ZBBX: variants seen among roughly 807,000 people sequenced by gnomAD.
The protein encoded by ZBBX is zinc finger B-box domain containing.
Under a neutral mutation model 108.5 loss-of-function variants are expected in ZBBX, and 101 were observed. The ratio of observed to expected loss-of-function variants is 0.93; its 90% CI spans 0.79 to 1.10. The LOEUF is 1.10. Ranked by LOEUF, ZBBX falls within the 50% of genes least tolerant of loss-of-function variation. The probability of loss-of-function intolerance (pLI) is 0.00; values close to 1 mark genes in which losing one functional copy is unlikely to be tolerated. For missense variants in ZBBX, 1,009 were observed against 941.4 expected, an observed-to-expected ratio of 1.07 and a Z score of -0.94; for synonymous variants, 356 against 323.4, an observed-to-expected ratio of 1.10 and a Z score of -1.08.
chr3:167,329,173 A>G (rs966311765), intron 10 of ZBBX, among the ~76,000 whole-genome samples: 5 of 152,198 alleles, frequency 3.3e-5, no homozygotes, highest in African/African-American at 1.2e-4. Context: ...CAAGAAAATG[A>G]AGGAAGTATT....
intron 10 of ZBBX, chr3:167,331,577 T>C (rs2108388982): frequency 5.1e-6 from 5 of 985,384 alleles, no homozygotes; most frequent in East Asian, 1.1e-4. Context: ...GGCTTCCACA[T>C]AGCTGTGGCA....
At chr3:167,301,710 C>T (rs1732701460) in intron 17 of ZBBX, among the ~76,000 whole-genome samples, 1 of 152,086 alleles carries the variant, frequency 6.6e-6, no homozygotes, top group African/African-American at 2.4e-5. Context: ...GTGATCCCAG[C>T]ACTTTGGGAG....
At chr3:167,269,043 T>C (rs1726082570) in intron 20 of ZBBX, among the ~76,000 whole-genome samples, 1 of 152,124 alleles carries the variant, frequency 6.6e-6, no homozygotes, top group South Asian at 2.1e-4. Flanking sequence ...GGCAGGCCAC[T>C]TCAAAAGAGA....
the ZBBX span, among the ~76,000 whole-genome samples, chr3:167,221,611 A>G: frequency 6.6e-6 from 1 of 152,082 alleles, no homozygotes; most frequent in South Asian, 2.1e-4. Context: ...GTACTGGCAA[A>G]GATTTCTTGA....
chr3:167,210,950 T>A, the ZBBX span, among the ~76,000 whole-genome samples: 2 of 152,062 alleles, frequency 1.3e-5, no homozygotes, highest in Non-Finnish European at 2.9e-5. Context: ...AAGAGGTTAA[T>A]AAGCAATAAT....
chr3:167,305,484 C>T (rs1168338452), intron 17 of ZBBX, among the ~76,000 whole-genome samples, 159 bp downstream of exon 17: 2 of 152,048 alleles, frequency 1.3e-5, no homozygotes, highest in Non-Finnish European at 2.9e-5. Flanking sequence ...CATTAATGTT[C>T]TCTCCCGTAT....
chr3:167,211,742 A>G, the ZBBX span, among the ~76,000 whole-genome samples: 2,038 of 151,798 alleles, frequency 0.013, 22 homozygotes, highest in South Asian at 0.026. Context: ...GCAGGTGCCT[A>G]ATCTGTTCCT....
the ZBBX span, among the ~76,000 whole-genome samples, chr3:167,233,989 C>T: frequency 0.013 from 2,027 of 151,824 alleles, 22 homozygotes; most frequent in South Asian, 0.026. Flanking sequence ...ATAAAATATA[C>T]CCAGACATTC....
rs531211348 is a variant in ZBBX, at chr3:167,386,430, G to A, written c.-445-6025C>T. On this transcript the variant is annotated intron_variant, in intron 1 of 21. Transcript: ENST00000455345. Reference sequence around the variant, plus strand: ...ACTTTCTTTATAAGGAAACTCCAAAGTATAGATTCCCAGAGAATTCTTTTA... The same window carrying A: ...ACTTTCTTTATAAGGAAACTCCAAAATATAGATTCCCAGAGAATTCTTTTA... 5.9e-5 allele frequency among the ~76,000 whole-genome samples: 9 copies of A among 152,120 alleles called. No homozygotes were observed. In the South Asian group the frequency reaches 1.0e-3, roughly 17 times the overall value.
At chr3:167,285,387 A>T (rs1004514914) in intron 19 of ZBBX, among the ~76,000 whole-genome samples, 3 of 152,124 alleles carry the variant, frequency 2.0e-5, no homozygotes, top group Non-Finnish European at 4.4e-5. Context: ...TTTGATCTTA[A>T]ATAAAGTTTG....
intron 2 of ZBBX, among the ~76,000 whole-genome samples, chr3:167,374,353 C>A: frequency 6.6e-6 from 1 of 151,950 alleles, no homozygotes; most frequent in East Asian, 1.9e-4. Context: ...TTCAGAACAC[C>A]CTGTTTCCCA....
At chr3:167,289,762 T>A (rs1456969993) in intron 18 of ZBBX, among the ~76,000 whole-genome samples, 1 of 151,558 alleles carries the variant, frequency 6.6e-6, no homozygotes, top group African/African-American at 2.4e-5. Flanking sequence ...GCCAGGGGGG[T>A]GAAGCCAGGG....
At chr3:167,335,687 T>C (rs1341440106) in intron 9 of ZBBX, among the ~76,000 whole-genome samples, 1 of 151,540 alleles carries the variant, frequency 6.6e-6, no homozygotes, top group Non-Finnish European at 1.5e-5. Flanking sequence ...AGTTATGACA[T>C]TTGTAAATCT....
chr3:167,349,582 C>T lies in ZBBX; in HGVS notation c.528+838G>A, dbSNP rs538551089. ...ATATTTATTAGCATGTTCAGGTAAACGCAAAGATTGAAATCTACCAGTAAT... is the reference window on the plus strand; with the variant it reads ...ATATTTATTAGCATGTTCAGGTAAATGCAAAGATTGAAATCTACCAGTAAT... On this transcript the variant is annotated intron_variant, in intron 9 of 21. Coordinates refer to ENST00000675490, the MANE Select transcript of ZBBX (RefSeq NM_001199201.2). 3.9e-5 allele frequency among the ~76,000 whole-genome samples: 6 copies of T among 152,000 alleles called. 1 individual carries two copies. Among genetic ancestry groups the T allele is most frequent in the African/African-American group, 1.2e-4 (5 of 41,492 alleles).
At chr3:167,242,114 C>T (rs1286291018) in intron 21 of ZBBX, among the ~76,000 whole-genome samples, 2 of 152,088 alleles carry the variant, frequency 1.3e-5, no homozygotes, top group Admixed American at 1.3e-4. Context: ...AAGAAACTTA[C>T]TATTTGATTC....
Position 167,298,462 on chromosome 3 carries a change from A to G in ZBBX, c.1726-4T>C, listed in dbSNP as rs772597149. The G allele has an allele frequency of 1.4e-6, 2 of 1,474,718 alleles. No homozygotes were observed. Among genetic ancestry groups the G allele is most frequent in the South Asian group, 2.9e-5 (2 of 68,190 alleles). 91.4% of individuals were successfully genotyped at this position (1,474,718 alleles called of 1,614,324 possible). On this transcript the variant is annotated splice_region_variant and splice_polypyrimidine_tract_variant and intron_variant, in intron 17 of 21. Coordinates refer to ENST00000675490, the MANE Select transcript of ZBBX (RefSeq NM_001199201.2). ...TGCAGGCTATTTCTTGTAACAACTA[A>G]GAAACAAAATATTCAACAATATTAT...
At chr3:167,243,281 A>G (rs1253155456) in intron 20 of ZBBX, among the ~76,000 whole-genome samples, 1 of 152,240 alleles carries the variant, frequency 6.6e-6, no homozygotes, top group Non-Finnish European at 1.5e-5. Flanking sequence ...ATCATTGTAT[A>G]TTAGAAAGGC....
intron 2 of ZBBX, among the ~76,000 whole-genome samples, chr3:167,375,591 C>CA (rs1746831179): frequency 2.0e-5 from 3 of 148,282 alleles, no homozygotes; most frequent in Non-Finnish European, 4.5e-5. Flanking sequence ...GACTCTGTCT[C>CA]AAAAAAGAAA....
At chr3:167,255,302 G>A (rs781748196) in intron 20 of ZBBX, among the ~76,000 whole-genome samples, 12 of 151,740 alleles carry the variant, frequency 7.9e-5, no homozygotes, top group East Asian at 1.9e-4. Flanking sequence ...TGTGCCATTC[G>A]GCAATAAGAC....
Sources: gnomAD v4.1 joint callset for allele counts (sites outside exome capture counted in the v4.1 genomes callset) on GRCh38, gnomAD v4.1.1 for gene constraint, MANE v1.5 for transcripts, NCBI Gene and HGNC (gene_info 2026-07-23, HGNC 2026-07-21) for gene names.